NMT2: variants seen among roughly 807,000 people sequenced by gnomAD.
The protein encoded by NMT2 is glycylpeptide N-tetradecanoyltransferase 2.
NMT2 carries 35 observed loss-of-function variants against 65.4 expected under a neutral mutation model. The ratio of observed to expected loss-of-function variants is 0.54; its 90% confidence interval spans 0.41 to 0.71. The LOEUF (loss-of-function observed/expected upper bound fraction) is 0.71. NMT2 is among the 30% of genes least tolerant of loss of function. The pLI, the probability that NMT2 is intolerant of heterozygous loss-of-function variation, is 0.00. For missense variants in NMT2, 489 were observed against 611.3 expected (o/e 0.80, Z 2.11); for synonymous variants, 226 against 231.8 (o/e 0.98, Z 0.23).
intron 2 of NMT2, among the ~76,000 whole-genome samples, chr10:15,140,528 A>AT (rs1372963837): frequency 6.8e-6 from 1 of 147,330 alleles, no homozygotes; most frequent in Non-Finnish European, 1.5e-5. Flanking sequence ...TTCTTTTTTT[A>AT]TTTTTTTCAG....
Position 15,108,657 on chromosome 10 carries a change from TAAAC to T in NMT2, c.*534_*537del, listed in dbSNP as rs1240418327. 5 of 989,972 alleles carry T rather than the reference TAAAC, an allele frequency of 5.1e-6. No homozygotes were observed. The Admixed American group carries it at 1.8e-4, about 36-fold the overall frequency. The allele number at this position is 989,972 out of a possible 1,614,324, so 61.3% of individuals were successfully genotyped here. A position where few individuals can be genotyped will look rare whatever the true frequency, so the allele number is the denominator to read the frequency against. On this transcript the variant is annotated 3_prime_UTR_variant, in exon 12 of 12. Coordinates refer to ENST00000378165, the MANE Select transcript of NMT2 (RefSeq NM_004808.3). ...GTACATTTTAATATTGCTCTGCACT[TAAAC>T]AACCACCACCTGTCACTGAGCTACA... is the stretch of plus-strand genomic sequence containing the variant.
chr10:15,140,605 ACTC>A (rs1448235253), intron 2 of NMT2, among the ~76,000 whole-genome samples: 1 of 148,230 alleles, frequency 6.7e-6, no homozygotes, highest in African/African-American at 2.5e-5. Context: ...GCAGCCTTGA[ACTC>A]CTGGGCTCAA....
chr10:15,116,059 G>A (rs948597376), intron 9 of NMT2, among the ~76,000 whole-genome samples: 1 of 152,154 alleles, frequency 6.6e-6, no homozygotes, highest in Non-Finnish European at 1.5e-5. Flanking sequence ...CAGAAGAGCT[G>A]AATAACTCAA....
chr10:15,159,718 G>A (rs546176756), intron 1 of NMT2, among the ~76,000 whole-genome samples: 1 of 152,302 alleles, frequency 6.6e-6, no homozygotes, highest in African/African-American at 2.4e-5. Flanking sequence ...GTGAGCCACT[G>A]CGCCCAGCAA....
chr10:15,140,874 C>A, intron 2 of NMT2: 1 of 1,010,732 alleles, frequency 9.9e-7, no homozygotes, highest in Non-Finnish European at 1.5e-6. Flanking sequence ...AGCTGGACAA[C>A]TTCTGGTTTG....
intron 9 of NMT2, among the ~76,000 whole-genome samples, chr10:15,118,605 G>T (rs1845823275): frequency 6.6e-6 from 1 of 151,130 alleles, no homozygotes; most frequent in Admixed American, 6.6e-5. Context: ...AAAAAAACAG[G>T]CAAGTGATGT....
chr10:15,168,499 C>T lies in NMT2; in HGVS notation c.110+4G>A, dbSNP rs781544889. 16 of 1,580,394 alleles carry T rather than the reference C, an allele frequency of 1.0e-5. No individual in the cohort carries two copies. In the Admixed American group the frequency reaches 2.8e-4, roughly 27 times the overall value. On this transcript the variant is annotated splice_donor_region_variant and intron_variant, in intron 1 of 11. Coordinates refer to ENST00000378165, the MANE Select transcript of NMT2 (RefSeq NM_004808.3). ...CGCCCGGTGCGCCAGCGCGCCGCCCCTACCCTTTGGCGTGCTCCGTCTCCT... is the reference window on the plus strand; with the variant it reads ...CGCCCGGTGCGCCAGCGCGCCGCCCTTACCCTTTGGCGTGCTCCGTCTCCT...
intron 1 of NMT2, chr10:15,154,900 C>A: frequency 1.1e-6 from 1 of 883,314 alleles, no homozygotes; most frequent in South Asian, 1.3e-5. Flanking sequence ...CCTTCTTTCA[C>A]CCTGCCAGAG....
At chr10:15,109,350 G>A (rs769697600) in intron 11 of NMT2, 135 bp from the exon 12 acceptor site, 12 of 1,047,478 alleles carry the variant, frequency 1.1e-5, no homozygotes, top group Non-Finnish European at 1.6e-5. Context: ...CAAGGCAGGC[G>A]GATCACCTGA....
intron 2 of NMT2, among the ~76,000 whole-genome samples, chr10:15,137,725 A>T (rs1223721698): frequency 6.6e-6 from 1 of 152,194 alleles, no homozygotes; most frequent in African/African-American, 2.4e-5. Flanking sequence ...TTCTTGATTT[A>T]ATTTTTTGTT....
chr10:15,113,481 AAAAAAAAAG>A (rs1564558918), intron 9 of NMT2, among the ~76,000 whole-genome samples: 2 of 150,824 alleles, frequency 1.3e-5, no homozygotes, highest in African/African-American at 4.9e-5. Context: ...AAAAAAAAAA[AAAAAAAAAG>A]AAAGAAAGAT....
At chr10:15,159,524 G>A (rs111845545) in intron 1 of NMT2, among the ~76,000 whole-genome samples, 1 of 151,862 alleles carries the variant, frequency 6.6e-6, no homozygotes, top group Non-Finnish European at 1.5e-5. Context: ...TCCATCTCTC[G>A]GGTTCAAGCA....
intron 6 of NMT2, 125 bp from the exon 7 acceptor site, chr10:15,130,437 T>C: frequency 1.3e-6 from 1 of 772,684 alleles, no homozygotes; most frequent in Non-Finnish European, 1.9e-6. Context: ...CTGGGAACAC[T>C]GGCTGTCGCC....
At position 15,168,537 on chromosome 10, in the gene NMT2, C is replaced by T; in HGVS notation, c.76G>A (p.Gly26Arg). The T allele has an allele frequency of 1.3e-6, 2 of 1,593,626 alleles. No homozygotes were observed. The highest frequency in any genetic ancestry group is 8.5e-7 in the Non-Finnish European group (1 of 1,172,314). ...TGCTCCGTCTCCTCCTCATTGTCCC[C>T]GTCTATCCCGCACGTGTCCTGGTCG... ...LDDQDTCGID[G>R]DNEEETEHAK... Residue 26 changes from glycine (G) to arginine (R), a missense_variant, in exon 1 of 12, where the codon GGG becomes AGG. Physicochemically the swap from Gly to Arg is moderately radical, Grantham distance 125. Coordinates refer to ENST00000378165, the MANE Select transcript of NMT2 (RefSeq NM_004808.3).
intron 1 of NMT2, among the ~76,000 whole-genome samples, chr10:15,142,464 A>C (rs1481830544): frequency 2.0e-5 from 3 of 152,202 alleles, no homozygotes; most frequent in Non-Finnish European, 4.4e-5. Context: ...CAGGAGGCTG[A>C]GGTGGGAAGA....
rs1283664836 is a variant in NMT2 at position 15,130,294 on chromosome 10, T to G, written c.738A>C (p.Glu246Asp). The change falls in exon 7 of 12, where the codon GAA (glutamate) becomes GAC (aspartate). Residue 246 changes from glutamate (E) to aspartate (D), a missense_variant. Physicochemically the swap from Glu to Asp is conservative, Grantham distance 45. Transcript: ENST00000378165. ...RIYDSVKKMVEINFLCVHKKL... is the reference protein window; with the variant it reads ...RIYDSVKKMVDINFLCVHKKL... ...TCTTATGAACACAAAGAAAGTTGATTTCTACCATCTTCTTCACACTAAGAA... is the reference window on the plus strand; with the variant it reads ...TCTTATGAACACAAAGAAAGTTGATGTCTACCATCTTCTTCACACTAAGAA... 1.6e-5 allele frequency: 26 copies of G among 1,589,796 alleles called. No individual in the cohort carries two copies. The highest frequency in any genetic ancestry group is 2.1e-5 in the Non-Finnish European group (24 of 1,167,472).
chr10:15,163,665 C>T (rs1161324074), intron 1 of NMT2, among the ~76,000 whole-genome samples: 1 of 152,232 alleles, frequency 6.6e-6, no homozygotes, highest in Non-Finnish European at 1.5e-5. Flanking sequence ...CATTTTCCCA[C>T]TGATACCACA....
intron 1 of NMT2, among the ~76,000 whole-genome samples, chr10:15,163,901 C>T (rs1272892636): frequency 6.6e-6 from 1 of 152,092 alleles, no homozygotes; most frequent in Non-Finnish European, 1.5e-5. Context: ...CGTCTTAGGC[C>T]GGGGACGGTG....
At chr10:15,112,187 TATATATATATATATATATATATATATATA>T (rs1416357693) in intron 10 of NMT2, among the ~76,000 whole-genome samples, 12 of 10,306 alleles carry the variant, frequency 1.2e-3, no homozygotes, top group African/African-American at 4.0e-3. Context: ...TATATATATA[TATATATATATATATATATATATATATATA>T]TTTTTTTTTT....
Sources: allele counts gnomAD v4.1 joint callset (sites outside exome capture counted in the v4.1 genomes callset), GRCh38; gene constraint gnomAD v4.1.1; transcripts MANE v1.5; gene names NCBI Gene and HGNC (gene_info 2026-07-23, HGNC 2026-07-21).